Variants in HPSE2 observed in about 807,000 individuals in gnomAD.
HPSE2 encodes the protein heparanase 2 (inactive), also known as inactive heparanase-2.
A neutral mutation model predicts 60.5 loss-of-function variants in HPSE2; 38 were observed. That is an observed-to-expected ratio of 0.63 (90% CI 0.48 to 0.82). The LOEUF is 0.82. Among genes scored for constraint, HPSE2 ranks in the 40% least tolerant of loss-of-function variants. The probability of loss-of-function intolerance (pLI) is 0.00; values close to 1 mark genes in which losing one functional copy is unlikely to be tolerated. For synonymous variants in HPSE2, 295 were observed against 293.2 expected, an observed-to-expected ratio of 1.01 and a Z score of -0.06; for missense variants, 713 against 740.4, an observed-to-expected ratio of 0.96 and a Z score of 0.43.
chr10:98,813,201 C>G (rs1297931634), intron 3 of HPSE2, among the ~76,000 whole-genome samples: 1 of 152,164 alleles, frequency 6.6e-6, no homozygotes. Context: ...CGTTAAACAA[C>G]TAATATGAAT....
At chr10:98,656,144 T>A (rs1328812642) in intron 6 of HPSE2, among the ~76,000 whole-genome samples, 1 of 151,536 alleles carries the variant, frequency 6.6e-6, no homozygotes, top group Non-Finnish European at 1.5e-5. Context: ...TGGAGCGCAA[T>A]GGCGCAATCT....
chr10:99,069,864 T>C (rs140176588), intron 3 of HPSE2, among the ~76,000 whole-genome samples: 269 of 152,138 alleles, frequency 1.8e-3, no homozygotes, highest in Non-Finnish European at 3.3e-3. Context: ...AAAAAAACTA[T>C]ACTTACTTGA....
At chr10:98,879,326 A>G (rs1952957596) in intron 3 of HPSE2, among the ~76,000 whole-genome samples, 1 of 152,042 alleles carries the variant, frequency 6.6e-6, no homozygotes, top group Admixed American at 6.6e-5. Context: ...ACATATCTGC[A>G]TGCTGTAAGA....
chr10:99,272,389 GAACCC>G, the HPSE2 span, among the ~76,000 whole-genome samples: 2 of 151,628 alleles, frequency 1.3e-5, no homozygotes, highest in African/African-American at 2.4e-5. Flanking sequence ...TCACAACCAA[GAACCC>G]AAAAGCAAAT....
intron 5 of HPSE2, among the ~76,000 whole-genome samples, chr10:98,696,368 G>A (rs925411226): frequency 3.4e-5 from 5 of 148,034 alleles, no homozygotes; most frequent in African/African-American, 1.2e-4. Flanking sequence ...TTCAGTTTCT[G>A]TCATCAGAAC....
chr10:99,277,582 A>C, the HPSE2 span, among the ~76,000 whole-genome samples: 2 of 152,272 alleles, frequency 1.3e-5, no homozygotes, highest in East Asian at 3.9e-4. Context: ...GGAACTTAAG[A>C]TCCCCTCCCG....
intron 3 of HPSE2, among the ~76,000 whole-genome samples, chr10:98,843,621 T>A (rs1951969758): frequency 6.6e-6 from 1 of 152,226 alleles, no homozygotes; most frequent in Admixed American, 6.5e-5. Context: ...ACCTACTTCC[T>A]GCTAAAATCT....
chr10:99,204,384 C>G (rs577287783), intron 2 of HPSE2, among the ~76,000 whole-genome samples: 2 of 152,346 alleles, frequency 1.3e-5, no homozygotes, highest in African/African-American at 2.4e-5. Flanking sequence ...TTCCCTGAAT[C>G]TCTGGACTGT....
At chr10:98,732,589 G>A (rs1417929578) in intron 4 of HPSE2, among the ~76,000 whole-genome samples, 1 of 151,970 alleles carries the variant, frequency 6.6e-6, no homozygotes, top group Middle Eastern at 3.2e-3. Context: ...CATGCAAAAA[G>A]ACTAATTTAT....
In HPSE2 at chr10:98,650,545, AATTG is replaced by A. The variant is rs530946808; in HGVS notation, c.1005-8609_1005-8606del. The stretch of plus-strand genomic sequence containing the variant: ...AGAACTTACTTACAATTCTAGTTTG[AATTG>A]ATTGAGTGTCTACCAGTGATTGGTT... On this transcript the variant is annotated intron_variant, in intron 6 of 11. Transcript: ENST00000370552. 4.9e-4 allele frequency among the ~76,000 whole-genome samples: 75 copies of A among 152,338 alleles called. 2 individuals are homozygous for A. The East Asian group carries it at 0.013, about 26-fold the overall frequency.
intron 3 of HPSE2, among the ~76,000 whole-genome samples, chr10:99,007,471 T>C (rs752635359): frequency 6.6e-6 from 1 of 152,208 alleles, no homozygotes; most frequent in Non-Finnish European, 1.5e-5. Flanking sequence ...TTCTGTGCTA[T>C]ACTTAAGTGC....
intron 11 of HPSE2, among the ~76,000 whole-genome samples, chr10:98,479,705 C>G (rs1046775942): frequency 6.6e-6 from 1 of 152,206 alleles, no homozygotes; most frequent in Non-Finnish European, 1.5e-5. Context: ...CAACATTTCA[C>G]AGTGAATTAG....
chr10:98,466,895 A>G (rs1940558347), intron 11 of HPSE2, among the ~76,000 whole-genome samples: 1 of 152,250 alleles, frequency 6.6e-6, no homozygotes, highest in South Asian at 2.1e-4. Flanking sequence ...ATCTTAGAAC[A>G]TTGTCTGAAG....
intron 3 of HPSE2, among the ~76,000 whole-genome samples, chr10:99,057,397 C>A (rs1173606234): frequency 6.6e-6 from 1 of 152,108 alleles, no homozygotes; most frequent in Non-Finnish European, 1.5e-5. Flanking sequence ...CCATTTAATA[C>A]TCTACAGATT....
chr10:98,799,997 G>T, intron 3 of HPSE2, among the ~76,000 whole-genome samples: 1 of 151,872 alleles, frequency 6.6e-6, no homozygotes, highest in Admixed American at 6.6e-5. Context: ...ACAAAAAGTT[G>T]TTTTTTTGAA....
intron 6 of HPSE2, among the ~76,000 whole-genome samples, chr10:98,662,688 C>T (rs913816024): frequency 5.9e-5 from 9 of 152,144 alleles, no homozygotes; most frequent in African/African-American, 1.9e-4. Context: ...TGCACATGTA[C>T]CACTGAACCT....
chr10:98,591,965 C>T (rs1220853789), intron 9 of HPSE2, among the ~76,000 whole-genome samples: 1 of 152,154 alleles, frequency 6.6e-6, no homozygotes, highest in East Asian at 1.9e-4. Flanking sequence ...GGATAAAACA[C>T]TTTTAGGCAA....
At chr10:99,107,208 T>A (rs1844283078) in intron 3 of HPSE2, among the ~76,000 whole-genome samples, 1 of 152,174 alleles carries the variant, frequency 6.6e-6, no homozygotes, top group Admixed American at 6.5e-5. Context: ...TACTTTTCAC[T>A]AATTTTTCTA....
chr10:99,181,346 C>T (rs1282717866), intron 2 of HPSE2, among the ~76,000 whole-genome samples: 1 of 143,360 alleles, frequency 7.0e-6, no homozygotes, highest in African/African-American at 2.6e-5. Flanking sequence ...TGCAGTGAGC[C>T]GAGATCCCGC....
Sources: allele counts gnomAD v4.1 joint callset (sites outside exome capture counted in the v4.1 genomes callset), GRCh38; gene constraint gnomAD v4.1.1; transcripts MANE v1.5; gene names NCBI Gene and HGNC (gene_info 2026-07-23, HGNC 2026-07-21).